Variants in ZMYM2 observed in about 807,000 individuals in gnomAD.
ZMYM2 encodes zinc finger MYM-type protein 2.
ZMYM2 carries 56 observed loss-of-function variants against 162.8 expected under a neutral mutation model. The observed-to-expected ratio is 0.34, with a 90% CI of 0.28 to 0.43. The LOEUF (loss-of-function observed/expected upper bound fraction) is 0.43, where lower values mean the gene tolerates loss of function less well. ZMYM2 is among the 20% of genes least tolerant of loss of function. The pLI is 1.00. For missense variants in ZMYM2, 1,275 were observed against 1,621.8 expected, an observed-to-expected ratio of 0.79 and a Z score of 3.67; for synonymous variants, 510 against 541.6, an observed-to-expected ratio of 0.94 and a Z score of 0.81.
At chr13:20,060,523 A>T (rs899967412) in intron 16 of ZMYM2, among the ~76,000 whole-genome samples, 1 of 152,124 alleles carries the variant, frequency 6.6e-6, no homozygotes, top group South Asian at 2.1e-4. Context: ...TACTAAAAAT[A>T]CAAAATTAGT....
At chr13:19,957,571 G>C (rs1954623268), upstream of ZMYM2, among the ~76,000 whole-genome samples, 3 of 152,192 alleles carry the variant, frequency 2.0e-5, no homozygotes, top group South Asian at 6.2e-4. Context: ...GGCGCCTGTC[G>C]TCGTCTGTCC....
At chr13:19,873,770 A>C in the ZMYM2 span, among the ~76,000 whole-genome samples, 1 of 152,082 alleles carries the variant, frequency 6.6e-6, no homozygotes. Context: ...GAGAACCACC[A>C]CGTCAGAGGC....
At chr13:19,906,284 G>GTATGTATATATATATATA in the ZMYM2 span, among the ~76,000 whole-genome samples, 1 of 63,792 alleles carries the variant, frequency 1.6e-5, no homozygotes, top group Non-Finnish European at 2.8e-5. Flanking sequence ...TCAAAAAAAA[G>GTATGTATATATATATATA]TATATATATA....
At chr13:20,022,597 A>G (rs1952215557) in intron 7 of ZMYM2, among the ~76,000 whole-genome samples, 1 of 152,242 alleles carries the variant, frequency 6.6e-6, no homozygotes, top group South Asian at 2.1e-4. Flanking sequence ...GTCTGCTAAA[A>G]GAAAAATTGT....
At chr13:19,871,477 A>G in the ZMYM2 span, among the ~76,000 whole-genome samples, 1,782 of 152,216 alleles carry the variant, frequency 0.012, 30 homozygotes, top group African/African-American at 0.041. Context: ...GCTGGAGTAC[A>G]GTAGCCAACT....
chr13:19,971,885 A>G (rs1194867303), intron 2 of ZMYM2, among the ~76,000 whole-genome samples: 1 of 152,116 alleles, frequency 6.6e-6, no homozygotes, highest in African/African-American at 2.4e-5. Flanking sequence ...AAAAAACTAG[A>G]TGTAGAGAGT....
intron 24 of ZMYM2, among the ~76,000 whole-genome samples, chr13:20,084,765 G>T (rs796717815): frequency 1.3e-5 from 2 of 152,278 alleles, no homozygotes; most frequent in African/African-American, 4.8e-5. Flanking sequence ...TTTTAAGTAA[G>T]CACTCTCTAA....
chr13:20,068,752 A>T (rs1022497315), intron 21 of ZMYM2, among the ~76,000 whole-genome samples: 19 of 152,270 alleles, frequency 1.2e-4, no homozygotes, highest in African/African-American at 4.3e-4. Flanking sequence ...TTTAGAAATA[A>T]TTCTGTTATC....
At chr13:20,013,772 T>C (rs1951388593) in intron 6 of ZMYM2, among the ~76,000 whole-genome samples, 2 of 152,216 alleles carry the variant, frequency 1.3e-5, no homozygotes, top group Non-Finnish European at 2.9e-5. Context: ...TTTATTGGGA[T>C]AAATCCCTAC....
At chr13:19,872,417 G>A in the ZMYM2 span, among the ~76,000 whole-genome samples, 1 of 152,068 alleles carries the variant, frequency 6.6e-6, no homozygotes, top group Non-Finnish European at 1.5e-5. Context: ...AGGCATGGTG[G>A]TGGGTGCCTG....
rs994169085 is a variant in ZMYM2, at chr13:20,076,906, G to A, written c.3454-5110G>A. On this transcript the variant is annotated intron_variant, in intron 21 of 24. Coordinates refer to ENST00000610343, the MANE Select transcript of ZMYM2 (RefSeq NM_197968.4). ...GGCTGGAGTGCAGTGGTGCGATCTC[G>A]GCACACCGCATCTCCGCCTCCCAGG... Among the ~76,000 whole-genome samples, 9 of 149,792 alleles carry A rather than the reference G, an allele frequency of 6.0e-5. 2 individuals are homozygous for A. Among genetic ancestry groups the A allele is most frequent in the African/African-American group, 2.0e-4 (8 of 39,360 alleles).
At chr13:20,000,431 C>G (rs1275385439) in intron 3 of ZMYM2, among the ~76,000 whole-genome samples, 1 of 152,138 alleles carries the variant, frequency 6.6e-6, no homozygotes, top group African/African-American at 2.4e-5. Context: ...TCAGTGTAGA[C>G]AAAACAACTG....
chr13:19,923,191 CAAAA>C, the ZMYM2 span, among the ~76,000 whole-genome samples: 1 of 125,524 alleles, frequency 8.0e-6, no homozygotes. Flanking sequence ...ACTAAATATA[CAAAA>C]AAAAAAAAAA....
chr13:19,883,915 T>G, the ZMYM2 span, among the ~76,000 whole-genome samples: 1 of 152,142 alleles, frequency 6.6e-6, no homozygotes, highest in Non-Finnish European at 1.5e-5. Flanking sequence ...CACCCCCACA[T>G]CTGGCTAATT....
chr13:19,993,135 T>A lies in ZMYM2; in HGVS notation c.63T>A (p.Ser21Arg). Residue 21 changes from serine to arginine, a missense_variant, in exon 3 of 25, where the codon AGT (serine) becomes AGA (arginine). Around this residue, in one of 10 missense-constraint regions of ZMYM2, gnomAD observed 295 missense variants for 286.7 expected, o/e 1.03. Transcript: ENST00000610343. ...ATCAGACTCCTGTTTTATTAGGGAG[T>A]ACGGCCATGGCAACTAGTCTCACGA... ...LTDQTPVLLGSTAMATSLTNV... is the reference protein window; with the variant it reads ...LTDQTPVLLGRTAMATSLTNV... The A allele has an allele frequency of 1.2e-6, 2 of 1,613,986 alleles. No homozygotes were observed. The highest frequency in any genetic ancestry group is 1.7e-6 in the Non-Finnish European group (2 of 1,179,982).
chr13:19,870,229 C>T, the ZMYM2 span, among the ~76,000 whole-genome samples: 2 of 152,162 alleles, frequency 1.3e-5, no homozygotes, highest in South Asian at 2.1e-4. Flanking sequence ...AGTCACAGCT[C>T]ACTGCAACTT....
the ZMYM2 span, among the ~76,000 whole-genome samples, chr13:19,940,140 T>C: frequency 6.6e-6 from 1 of 152,190 alleles, no homozygotes; most frequent in African/African-American, 2.4e-5. Context: ...GGAAAAGTTA[T>C]GAGGAAGGCT....
At chr13:19,917,357 G>T in the ZMYM2 span, among the ~76,000 whole-genome samples, 1 of 152,076 alleles carries the variant, frequency 6.6e-6, no homozygotes, top group African/African-American at 2.4e-5. Flanking sequence ...GAGGGGCAGA[G>T]GTGGGTGGAT....
At chr13:19,917,968 G>A in the ZMYM2 span, among the ~76,000 whole-genome samples, 2 of 151,928 alleles carry the variant, frequency 1.3e-5, no homozygotes, top group Non-Finnish European at 2.9e-5. Context: ...GAGGTGGGAG[G>A]ATCACTTGAG....
Sources: gnomAD v4.1 joint callset for allele counts (sites outside exome capture counted in the v4.1 genomes callset) on GRCh38, gnomAD v4.1.1 for gene constraint, gnomAD v4.1.1 regional missense constraint, MANE v1.5 for transcripts, NCBI Gene and HGNC (gene_info 2026-07-23, HGNC 2026-07-21) for gene names.